CDH18: variants seen among roughly 807,000 people sequenced by gnomAD.
The protein encoded by CDH18 is cadherin 18.
In CDH18, 31 loss-of-function variants were observed where a neutral mutation model predicts 67.9. That is an observed-to-expected ratio of 0.46 (90% CI 0.34 to 0.62). The LOEUF is 0.62. CDH18 is among the 20% of genes least tolerant of loss of function. CDH18 has a pLI of 0.01. For synonymous variants in CDH18, 362 were observed against 347.2 expected, an observed-to-expected ratio of 1.04 and a Z score of -0.48; for missense variants, 890 against 975.5, an observed-to-expected ratio of 0.91 and a Z score of 1.17.
intron 1 of CDH18, chr5:20,304,859 C>A: frequency 6.2e-7 from 1 of 1,611,650 alleles, no homozygotes; most frequent in Non-Finnish European, 8.5e-7. Context: ...TGTTGCTGTT[C>A]AATGTTTGCT....
intron 3 of CDH18, among the ~76,000 whole-genome samples, chr5:19,759,483 T>C (rs1272780252): frequency 6.6e-6 from 1 of 152,184 alleles, no homozygotes; most frequent in Non-Finnish European, 1.5e-5. Flanking sequence ...AGTATGTCTA[T>C]GCCAATTATG....
chr5:19,835,142 C>G (rs1210360002), intron 3 of CDH18, among the ~76,000 whole-genome samples: 1 of 151,990 alleles, frequency 6.6e-6, no homozygotes, highest in African/African-American at 2.4e-5. Context: ...CAATAATAGA[C>G]TAAATTAAGA....
chr5:20,357,528 T>A (rs1319104590), intron 1 of CDH18, among the ~76,000 whole-genome samples: 1 of 152,136 alleles, frequency 6.6e-6, no homozygotes, highest in Non-Finnish European at 1.5e-5. Flanking sequence ...CAAAACAAGA[T>A]ATAAGAGCGG....
intron 2 of CDH18, among the ~76,000 whole-genome samples, chr5:20,088,250 A>T (rs181817761): frequency 2.6e-5 from 4 of 152,304 alleles, no homozygotes; most frequent in Admixed American, 2.0e-4. Flanking sequence ...GTTTCACTTA[A>T]AACTATTCTC....
At chr5:20,280,287 C>T (rs1328427500) in intron 1 of CDH18, among the ~76,000 whole-genome samples, 1 of 151,506 alleles carries the variant, frequency 6.6e-6, no homozygotes, top group East Asian at 1.9e-4. Flanking sequence ...TACACATGTG[C>T]CATTTTGGTG....
chr5:19,583,875 C>T (rs1195130294), intron 7 of CDH18, among the ~76,000 whole-genome samples: 2 of 152,110 alleles, frequency 1.3e-5, no homozygotes, highest in Non-Finnish European at 2.9e-5. Flanking sequence ...TTCAAGCATC[C>T]TTTGTTGACT....
intron 5 of CDH18, among the ~76,000 whole-genome samples, chr5:19,651,531 G>A (rs539711701): frequency 2.9e-4 from 44 of 152,102 alleles, no homozygotes; most frequent in Non-Finnish European, 4.7e-4. Context: ...CAAAGAAGAC[G>A]TTAAGGGAGA....
chr5:19,598,120 T>C (rs58987047), intron 6 of CDH18, among the ~76,000 whole-genome samples: 4,832 of 152,244 alleles, frequency 0.032, 244 homozygotes, highest in African/African-American at 0.11. Flanking sequence ...TCTAGAGTTT[T>C]AGAACACAGA....
intron 6 of CDH18, among the ~76,000 whole-genome samples, chr5:19,604,803 A>G (rs1280536737): frequency 6.6e-6 from 1 of 152,006 alleles, no homozygotes; most frequent in Admixed American, 6.6e-5. Context: ...TTCTGTTTCT[A>G]TGTGTCAACA....
chr5:20,003,296 T>TG (rs1491026481), intron 2 of CDH18, among the ~76,000 whole-genome samples: 3 of 151,976 alleles, frequency 2.0e-5, no homozygotes, highest in African/African-American at 7.3e-5. Flanking sequence ...TGTGGCTGTG[T>TG]TTGTGTGTGT....
chr5:19,502,813 A>T (rs1216530423), intron 11 of CDH18, 179 bp downstream of exon 11: 1 of 605,956 alleles, frequency 1.7e-6, no homozygotes, highest in Non-Finnish European at 3.0e-6. Flanking sequence ...AATGAAAGTT[A>T]TTTGTACATA....
intron 2 of CDH18, among the ~76,000 whole-genome samples, chr5:20,179,766 T>C (rs1737537734): frequency 1.3e-5 from 2 of 152,232 alleles, no homozygotes; most frequent in African/African-American, 4.8e-5. Flanking sequence ...ATTCTTTGAA[T>C]CAGGGCCCAT....
rs1028145155 is a variant in CDH18, at chr5:19,839,280, G to A, written c.-256-38C>T. The A allele has an allele frequency of 6.2e-5, 21 of 337,310 alleles. No individual in the cohort carries two copies. The South Asian group carries it at 7.0e-4, about 11-fold the overall frequency. The allele number at this position is 337,310 out of a possible 1,614,324, so 20.9% of individuals were successfully genotyped here. On this transcript the variant is annotated intron_variant, in intron 2 of 12. Coordinates refer to ENST00000382275, the MANE Select transcript of CDH18 (RefSeq NM_004934.5). ...GAAAATTATATGTGTTACAAAACAC[G>A]GTTTTTTTAACTATTTGCTCTGAAT...
intron 2 of CDH18, among the ~76,000 whole-genome samples, chr5:19,921,329 C>G (rs62352223): frequency 6.6e-6 from 1 of 151,576 alleles, no homozygotes; most frequent in Non-Finnish European, 1.5e-5. Context: ...CAGGAGATTG[C>G]GACTATCCTG....
intron 2 of CDH18, among the ~76,000 whole-genome samples, chr5:20,048,262 T>A (rs1345883601): frequency 2.0e-5 from 3 of 151,726 alleles, no homozygotes; most frequent in African/African-American, 7.2e-5. Context: ...TCAAATGAAT[T>A]AATGCTTTAT....
chr5:20,322,713 A>G (rs1375585617), intron 1 of CDH18, among the ~76,000 whole-genome samples: 1 of 152,190 alleles, frequency 6.6e-6, no homozygotes, highest in Non-Finnish European at 1.5e-5. Flanking sequence ...GAAAAAAAAT[A>G]TAATTCTTCA....
At chr5:19,496,178 T>G (rs1742295727) in intron 11 of CDH18, among the ~76,000 whole-genome samples, 1 of 152,246 alleles carries the variant, frequency 6.6e-6, no homozygotes, top group East Asian at 1.9e-4. Flanking sequence ...AGGCTCTCAG[T>G]CTAGAGCCCT....
chr5:20,186,182 T>C (rs1738086939), intron 2 of CDH18, among the ~76,000 whole-genome samples: 1 of 151,970 alleles, frequency 6.6e-6, no homozygotes, highest in Admixed American at 6.6e-5. Context: ...ATATAAGCCC[T>C]AAAACTACAA....
intron 2 of CDH18, among the ~76,000 whole-genome samples, chr5:20,208,838 T>C (rs78724805): frequency 1.2e-4 from 18 of 151,924 alleles, no homozygotes; most frequent in Non-Finnish European, 2.6e-4. Flanking sequence ...AAGGGACTAA[T>C]AACCAGAATA....
Sources: allele counts gnomAD v4.1 joint callset (sites outside exome capture counted in the v4.1 genomes callset), GRCh38; gene constraint gnomAD v4.1.1; transcripts MANE v1.5; gene names NCBI Gene and HGNC (gene_info 2026-07-23, HGNC 2026-07-21).